Variants in FRMD5 observed in about 807,000 individuals in gnomAD.
FRMD5 encodes FERM domain-containing protein 5.
Under a neutral mutation model 69.0 loss-of-function variants are expected in FRMD5, and 20 were observed. That is an observed-to-expected ratio of 0.29 (90% CI 0.20 to 0.42). The LOEUF is 0.42. Ranked by LOEUF, FRMD5 falls within the 10% of genes least tolerant of loss-of-function variation. FRMD5 has a pLI of 1.00. For missense variants in FRMD5, 595 were observed against 708.6 expected, an observed-to-expected ratio of 0.84 and a Z score of 1.82; for synonymous variants, 271 against 260.1, an observed-to-expected ratio of 1.04 and a Z score of -0.40.
chr15:44,093,862 A>G (rs28375626), intron 1 of FRMD5, among the ~76,000 whole-genome samples: 6,617 of 152,086 alleles, frequency 0.044, 396 homozygotes, highest in African/African-American at 0.14. Flanking sequence ...GTGATCCACC[A>G]CGCCCGGCCC....
intron 9 of FRMD5, 22 bp downstream of exon 9, chr15:43,888,787 A>G (rs745932495): frequency 6.2e-7 from 1 of 1,603,848 alleles, no homozygotes. Flanking sequence ...CCCTCCTTGA[A>G]GAGAAGGAAG....
chr15:44,024,270 C>T (rs989762136), intron 1 of FRMD5, among the ~76,000 whole-genome samples: 1 of 151,706 alleles, frequency 6.6e-6, no homozygotes, highest in Non-Finnish European at 1.5e-5. Flanking sequence ...ATTTGTCCAT[C>T]CCCCTCATAA....
chr15:44,098,742 T>C (rs2076592892), intron 1 of FRMD5, among the ~76,000 whole-genome samples: 1 of 152,212 alleles, frequency 6.6e-6, no homozygotes, highest in Admixed American at 6.5e-5. Flanking sequence ...TACGTTTTAC[T>C]GCCTCCATTT....
chr15:44,152,350 C>A (rs1004153896), intron 1 of FRMD5, among the ~76,000 whole-genome samples: 4 of 152,164 alleles, frequency 2.6e-5, no homozygotes, highest in African/African-American at 7.2e-5. Flanking sequence ...ATACTTAATT[C>A]TTTAACCTTA....
chr15:44,077,591 C>A (rs1275198765), intron 1 of FRMD5, among the ~76,000 whole-genome samples: 1 of 151,906 alleles, frequency 6.6e-6, no homozygotes, highest in Non-Finnish European at 1.5e-5. Flanking sequence ...TAACTTTTTA[C>A]CTTTTAATAA....
chr15:44,182,034 G>T (rs540501820), intron 1 of FRMD5, among the ~76,000 whole-genome samples: 6 of 147,806 alleles, frequency 4.1e-5, no homozygotes, highest in African/African-American at 9.9e-5. Flanking sequence ...TTTTTGAAAC[G>T]GAGTCTCACT....
intron 1 of FRMD5, among the ~76,000 whole-genome samples, chr15:44,107,316 T>C (rs1245386733): frequency 6.6e-6 from 1 of 152,006 alleles, no homozygotes; most frequent in African/African-American, 2.4e-5. Context: ...TTAGGAAAAA[T>C]AATAAAGAAG....
At chr15:43,948,961 C>T (rs1454139759) in intron 1 of FRMD5, among the ~76,000 whole-genome samples, 1 of 152,186 alleles carries the variant, frequency 6.6e-6, no homozygotes, top group Non-Finnish European at 1.5e-5. Context: ...GCCATCTGTC[C>T]ACAGCTCATT....
upstream of FRMD5, among the ~76,000 whole-genome samples, chr15:44,198,021 A>G (rs1414651262): frequency 6.6e-6 from 1 of 152,176 alleles, no homozygotes; most frequent in East Asian, 1.9e-4. Context: ...TGAGAAAATC[A>G]TGTCTGAGGC....
At chr15:44,008,829 A>G (rs1890579532) in intron 1 of FRMD5, among the ~76,000 whole-genome samples, 2 of 151,908 alleles carry the variant, frequency 1.3e-5, no homozygotes, top group South Asian at 4.2e-4. Context: ...GATCGACACC[A>G]TCCTGGCTAA....
At chr15:44,197,678 C>CAAAAAAAAAAA (rs5812271), upstream of FRMD5, among the ~76,000 whole-genome samples, 2 of 84,652 alleles carry the variant, frequency 2.4e-5, no homozygotes, top group Non-Finnish European at 4.6e-5. Context: ...GACTCCATCT[C>CAAAAAAAAAAA]AAAAAAAAAA....
intron 1 of FRMD5, among the ~76,000 whole-genome samples, chr15:44,102,811 C>T (rs902946580): frequency 6.6e-6 from 1 of 152,190 alleles, no homozygotes; most frequent in Non-Finnish European, 1.5e-5. Context: ...AACAGTATAA[C>T]AAAACTGGCT....
chr15:43,998,668 G>C (rs1028081215), intron 1 of FRMD5, among the ~76,000 whole-genome samples: 15 of 152,194 alleles, frequency 9.9e-5, no homozygotes, highest in South Asian at 2.1e-4. Context: ...GGAAAACAAG[G>C]GGTGCTTTTT....
At chr15:44,120,127 T>C (rs1441936369) in intron 1 of FRMD5, among the ~76,000 whole-genome samples, 1 of 152,126 alleles carries the variant, frequency 6.6e-6, no homozygotes, top group Non-Finnish European at 1.5e-5. Context: ...TAGGGGGACC[T>C]ACAAACCATA....
At chr15:43,964,186 A>C (rs531557387) in intron 1 of FRMD5, among the ~76,000 whole-genome samples, 1 of 152,310 alleles carries the variant, frequency 6.6e-6, no homozygotes, top group Non-Finnish European at 1.5e-5. Context: ...AACTTTAAAA[A>C]GACCAATCAC....
intron 1 of FRMD5, among the ~76,000 whole-genome samples, chr15:44,085,979 G>A (rs965412697): frequency 4.6e-5 from 7 of 152,028 alleles, no homozygotes; most frequent in Non-Finnish European, 7.4e-5. Context: ...TGGTTTGAAT[G>A]GAAATGGAAG....
In FRMD5 at chr15:43,874,881, C is replaced by A. The variant is rs138215111; in HGVS notation, c.1136-419G>T. On this transcript the variant is annotated intron_variant, in intron 13 of 13. Coordinates refer to ENST00000417257, the MANE Select transcript of FRMD5 (RefSeq NM_032892.5). The stretch of plus-strand genomic sequence containing the variant: ...CACTATTACACTCCATCCTCGGCAA[C>A]AGAGTGAGTAAGATTCCATCTTAAA... Among the ~76,000 whole-genome samples, 405 of 151,896 alleles carry A rather than the reference C, an allele frequency of 2.7e-3. 4 individuals are homozygous for A. Among genetic ancestry groups the A allele is most frequent in the African/African-American group, 9.2e-3 (381 of 41,374 alleles).
intron 1 of FRMD5, among the ~76,000 whole-genome samples, chr15:44,104,205 T>G (rs913037335): frequency 6.6e-6 from 1 of 152,184 alleles, no homozygotes; most frequent in African/African-American, 2.4e-5. Context: ...AAATTTTAAA[T>G]AGCGAAAAGC....
At chr15:44,127,831 C>A (rs1197592542) in intron 1 of FRMD5, among the ~76,000 whole-genome samples, 1 of 152,080 alleles carries the variant, frequency 6.6e-6, no homozygotes, top group African/African-American at 2.4e-5. Context: ...GTGATCTCAC[C>A]ACCGCACTCC....
Sources: gnomAD v4.1 joint callset for allele counts (sites outside exome capture counted in the v4.1 genomes callset) on GRCh38, gnomAD v4.1.1 for gene constraint, MANE v1.5 for transcripts, NCBI Gene and HGNC (gene_info 2026-07-23, HGNC 2026-07-21) for gene names.